Variants in PRUNE1 observed in about 807,000 individuals in gnomAD.
PRUNE1 encodes prune exopolyphosphatase 1.
In PRUNE1, 25 loss-of-function variants were observed where a neutral mutation model predicts 42.5. That is an observed-to-expected ratio of 0.59 (90% CI 0.43 to 0.82). The LOEUF (loss-of-function observed/expected upper bound fraction) is 0.82, where lower values mean the gene tolerates loss of function less well. PRUNE1 is among the 40% of genes least tolerant of loss of function. The pLI is 0.00. For synonymous variants in PRUNE1, 203 were observed against 217.1 expected, an observed-to-expected ratio of 0.93 and a Z score of 0.57; for missense variants, 443 against 539.3, an observed-to-expected ratio of 0.82 and a Z score of 1.77.
rs200766703 is a variant in PRUNE1 at position 151,028,843 on chromosome 1, A to G, written c.832A>G (p.Ser278Gly). 1 of 1,614,046 alleles carries G rather than the reference A, an allele frequency of 6.2e-7. No homozygotes were observed. Among genetic ancestry groups the G allele is most frequent in the Non-Finnish European group, 8.5e-7 (1 of 1,179,956 alleles). ...TCTCCATGCTTTCTGCCAGGCTCACAGCTATGATGTCCTGGTTGCCATGAC... is the reference window on the plus strand; with the variant it reads ...TCTCCATGCTTTCTGCCAGGCTCACGGCTATGATGTCCTGGTTGCCATGAC... ...ADLHAFCQAH[S>G]YDVLVAMTIF... Residue 278 changes from serine to glycine, a missense_variant, in exon 7 of 8, where the codon AGC becomes GGC. Transcript: ENST00000271620.
intron 4 of PRUNE1, 90 bp from the exon 5 acceptor site, chr1:151,025,425 G>T (rs1367442481): frequency 7.8e-7 from 1 of 1,286,114 alleles, no homozygotes; most frequent in Non-Finnish European, 1.1e-6. Context: ...CTCCTTGTGT[G>T]TGTCCATTTG....
intron 1 of PRUNE1, among the ~76,000 whole-genome samples, chr1:151,017,092 CAAAAAAA>C (rs34772866): frequency 1.3e-5 from 1 of 76,118 alleles, no homozygotes; most frequent in Non-Finnish European, 2.6e-5. Flanking sequence ...AACTCCATCT[CAAAAAAA>C]AAAAAAAAAA....
chr1:151,008,675 A>G lies in PRUNE1; in HGVS notation c.39+4A>G. ...GGGTTGTCGAGCTGCTCTGCAGGTAACGAATCCCTGTCTGTGACTGTAAGG... is the reference window on the plus strand; with the variant it reads ...GGGTTGTCGAGCTGCTCTGCAGGTAGCGAATCCCTGTCTGTGACTGTAAGG... On this transcript the variant is annotated splice_donor_region_variant and intron_variant, in intron 1 of 7. Coordinates refer to ENST00000271620, the MANE Select transcript of PRUNE1 (RefSeq NM_021222.3). The G allele has an allele frequency of 6.2e-7, 1 of 1,614,042 alleles. No homozygotes were observed. The highest frequency in any genetic ancestry group is 8.5e-7 in the Non-Finnish European group (1 of 1,179,952).
rs587748838 is a variant in PRUNE1 at position 151,033,400 on chromosome 1, T to C, written c.934-406T>C. Reference sequence around the variant, plus strand: ...GCGCCCGGCTGACTTACTTTTTTTTTTTTTTTTTGAGATGCAGTGTTGCTC... The same window carrying C: ...GCGCCCGGCTGACTTACTTTTTTTTCTTTTTTTTGAGATGCAGTGTTGCTC... On this transcript the variant is annotated intron_variant, in intron 7 of 7. Coordinates refer to ENST00000271620, the MANE Select transcript of PRUNE1 (RefSeq NM_021222.3). Among the ~76,000 whole-genome samples the C allele has an allele frequency of 4.4e-4, 65 of 147,194 alleles. 1 individual carries two copies. The highest frequency in any genetic ancestry group is 3.0e-5 in the Non-Finnish European group (2 of 66,600).
intron 7 of PRUNE1, among the ~76,000 whole-genome samples, chr1:151,033,054 G>T (rs112902036): frequency 6.6e-6 from 1 of 150,804 alleles, no homozygotes; most frequent in Non-Finnish European, 1.5e-5. Context: ...GATTACAGGC[G>T]TGAGCCACTG....
chr1:151,018,127 A>G (rs1196296895), intron 2 of PRUNE1, among the ~76,000 whole-genome samples: 1 of 152,214 alleles, frequency 6.6e-6, no homozygotes, highest in Admixed American at 6.5e-5. Context: ...TGTAAACCAT[A>G]AAGCAATATT....
At chr1:151,009,907 C>G (rs996584559) in intron 1 of PRUNE1, among the ~76,000 whole-genome samples, 19 of 152,100 alleles carry the variant, frequency 1.2e-4, no homozygotes, top group African/African-American at 4.6e-4. Flanking sequence ...TTTGGGGCAC[C>G]GTTCTAAGTG....
Position 151,034,001 on chromosome 1 carries a change from G to T in PRUNE1, c.1129G>T (p.Asp377Tyr). ...KIPSGQPETA[D>Y]VSREQVDKEL... ...CCCTTCAGGACAGCCTGAGACAGCA[G>T]ATGTGTCCAGGGAGCAAGTGGACAA... is the stretch of plus-strand genomic sequence containing the variant. The change falls in exon 8 of 8, where the codon GAT becomes TAT. Residue 377 changes from aspartate (D) to tyrosine (Y), a missense_variant. Coordinates refer to ENST00000271620, the MANE Select transcript of PRUNE1 (RefSeq NM_021222.3). 6.2e-7 allele frequency: 1 copy of T among 1,614,066 alleles called. No individual in the cohort carries two copies. Among genetic ancestry groups the T allele is most frequent in the Non-Finnish European group, 8.5e-7 (1 of 1,179,910 alleles).
chr1:151,032,309 G>A (rs1347667855), intron 7 of PRUNE1, among the ~76,000 whole-genome samples: 7 of 151,814 alleles, frequency 4.6e-5, no homozygotes, highest in Admixed American at 6.6e-5. Flanking sequence ...CAGCACTTTC[G>A]GAGGCTGAAG....
chr1:151,019,419 G>A (rs587753255), intron 3 of PRUNE1, among the ~76,000 whole-genome samples: 7 of 151,968 alleles, frequency 4.6e-5, no homozygotes, highest in African/African-American at 1.4e-4. Context: ...AATTAGGCAC[G>A]GTGGTGCATG....
chr1:151,023,050 G>C (rs1267198979), intron 3 of PRUNE1, among the ~76,000 whole-genome samples: 2 of 152,118 alleles, frequency 1.3e-5, no homozygotes, highest in Non-Finnish European at 2.9e-5. Flanking sequence ...GGAGAAGTAG[G>C]ACATGGAAAA....
chr1:151,026,368 A>G (rs1290695414), intron 5 of PRUNE1, among the ~76,000 whole-genome samples: 1 of 151,780 alleles, frequency 6.6e-6, no homozygotes, highest in Non-Finnish European at 1.5e-5. Context: ...TGAGGCAGGA[A>G]AATCGCTTGA....
Position 151,018,228 on chromosome 1 carries a change from T to G in PRUNE1, c.133-239T>G. ...TAGTTCTTGAGGACTAAAAATTCCT[T>G]CTCTGCAGCATTGCATCTAGAAATA... On this transcript the variant is annotated intron_variant, in intron 2 of 7. Coordinates refer to ENST00000271620, the MANE Select transcript of PRUNE1 (RefSeq NM_021222.3). The G allele has an allele frequency of 1.6e-5, 11 of 695,616 alleles. No homozygotes were observed. The South Asian group carries it at 1.8e-4, about 11-fold the overall frequency. 43.1% of individuals were successfully genotyped at this position (695,616 alleles called of 1,614,324 possible). A position where few individuals can be genotyped will look rare whatever the true frequency, so the allele number is the denominator to read the frequency against.
chr1:151,013,995 T>A (rs1219658922), intron 1 of PRUNE1, among the ~76,000 whole-genome samples: 1 of 152,098 alleles, frequency 6.6e-6, no homozygotes, highest in Non-Finnish European at 1.5e-5. Flanking sequence ...TTTTTTTTTT[T>A]TTGAGACAGA....
Position 151,018,475 on chromosome 1 carries a change from G to A in PRUNE1, c.141G>A (p.Glu47=), listed in dbSNP as rs1360812866. The A allele has an allele frequency of 6.8e-6, 11 of 1,610,822 alleles. No individual in the cohort carries two copies. The African/African-American group carries it at 1.5e-4, about 22-fold the overall frequency. The change falls in exon 3 of 8, where the codon GAG becomes GAA. Residue 47 remains glutamate (E), a synonymous_variant. Transcript: ENST00000271620. ...TTCACTTTCCTATCTAGACAACTGA[G>A]GCTGAGGAAGTCTTTGTGCCAGTTT... ...ALAFYLAKTT[E]AEEVFVPVLN...
intron 7 of PRUNE1, among the ~76,000 whole-genome samples, chr1:151,030,716 C>A (rs762389458): frequency 2.0e-5 from 3 of 152,106 alleles, no homozygotes; most frequent in Non-Finnish European, 4.4e-5. Flanking sequence ...GAACTCCTGA[C>A]CTCAAGTGAT....
intron 1 of PRUNE1, among the ~76,000 whole-genome samples, chr1:151,012,769 A>AT (rs1156719581): frequency 3.3e-5 from 5 of 151,614 alleles, no homozygotes. Context: ...TATTATTCTC[A>AT]TTTTTTTTGT....
intron 7 of PRUNE1, among the ~76,000 whole-genome samples, chr1:151,029,625 C>T (rs587617382): frequency 1.6e-4 from 24 of 151,802 alleles, no homozygotes; most frequent in African/African-American, 5.3e-4. Context: ...CCTTGGCCTC[C>T]CAAAGTGCTG....
chr1:151,009,538 G>C (rs987450998), intron 1 of PRUNE1, among the ~76,000 whole-genome samples: 1 of 152,158 alleles, frequency 6.6e-6, no homozygotes, highest in East Asian at 1.9e-4. Flanking sequence ...GGCTCCAGGA[G>C]GTCACCCGGC....
Sources: gnomAD v4.1 joint callset for allele counts (sites outside exome capture counted in the v4.1 genomes callset) on GRCh38, gnomAD v4.1.1 for gene constraint, MANE v1.5 for transcripts, NCBI Gene and HGNC (gene_info 2026-07-23, HGNC 2026-07-21) for gene names.